Variants in PUS10 observed in about 807,000 individuals in gnomAD.
PUS10 encodes the protein tRNA pseudouridine synthase Pus10.
Under a neutral mutation model 75.0 loss-of-function variants are expected in PUS10, and 59 were observed. The observed-to-expected ratio is 0.79, with a 90% CI of 0.64 to 0.98. The LOEUF (loss-of-function observed/expected upper bound fraction) is 0.98, where lower values mean the gene tolerates loss of function less well. PUS10 is among the 50% of genes least tolerant of loss of function. The pLI is 0.00. For missense variants in PUS10, 650 were observed against 614.4 expected, an observed-to-expected ratio of 1.06 and a Z score of -0.61; for synonymous variants, 219 against 211.6, an observed-to-expected ratio of 1.03 and a Z score of -0.30.
At chr2:60,965,609 T>C (rs182504576) in intron 6 of PUS10, 125 bp from the exon 7 acceptor site, 1 of 664,548 alleles carries the variant, frequency 1.5e-6, no homozygotes, top group African/African-American at 1.9e-5. Flanking sequence ...AAACTGGAAA[T>C]ACTACTGCTC....
At chr2:60,996,071 G>A (rs1172144459) in intron 4 of PUS10, among the ~76,000 whole-genome samples, 3 of 152,142 alleles carry the variant, frequency 2.0e-5, no homozygotes, top group African/African-American at 7.2e-5. Flanking sequence ...GTATTGTGGT[G>A]GTCTTTAGAA....
intron 4 of PUS10, among the ~76,000 whole-genome samples, chr2:60,979,590 T>C (rs1209210682): frequency 1.3e-5 from 2 of 152,212 alleles, no homozygotes; most frequent in African/African-American, 4.8e-5. Flanking sequence ...GGCTTGGATG[T>C]CAGACGTGTG....
chr2:61,008,847 T>C lies in PUS10; in HGVS notation c.295A>G (p.Thr99Ala). Residue 99 changes from threonine to alanine, a missense_variant, in exon 3 of 18, where the codon ACT becomes GCT. Coordinates refer to ENST00000316752, the MANE Select transcript of PUS10 (RefSeq NM_144709.4). ...TTTAAATTTGAGTTCTTGGAAGCAG[T>C]GCTTCCAACATGACTAACAGAGATC... ...GRISVSHVGS[T>A]ASKNSNLNVC... 6.2e-7 allele frequency: 1 copy of C among 1,613,004 alleles called. No individual in the cohort carries two copies. Among genetic ancestry groups the C allele is most frequent in the Non-Finnish European group, 8.5e-7 (1 of 1,179,206 alleles).
Position 61,018,089 on chromosome 2 carries a change from T to C in PUS10, c.-97A>G. ...CGTTTTTTTCGGGAGCTCCTGGGCG[T>C]CTCTCTGGGTCTCTGTGCTTGAAAG... On this transcript the variant is annotated 5_prime_UTR_variant, in exon 1 of 18. Coordinates refer to ENST00000316752, the MANE Select transcript of PUS10 (RefSeq NM_144709.4). 2 of 1,522,006 alleles carry C rather than the reference T, an allele frequency of 1.3e-6. No individual in the cohort carries two copies. Among genetic ancestry groups the C allele is most frequent in the Non-Finnish European group, 1.8e-6 (2 of 1,134,246 alleles). 94.3% of individuals were successfully genotyped at this position (1,522,006 alleles called of 1,614,324 possible). A position where few individuals can be genotyped will look rare whatever the true frequency, so the allele number is the denominator to read the frequency against.
At chr2:60,987,687 C>T (rs1280462443) in intron 4 of PUS10, among the ~76,000 whole-genome samples, 3 of 152,132 alleles carry the variant, frequency 2.0e-5, no homozygotes, top group Non-Finnish European at 4.4e-5. Flanking sequence ...CTTTGGGATG[C>T]TGAAGCGGGC....
Position 60,940,610 on chromosome 2 carries a change from A to G in PUS10, c.*1785T>C, listed in dbSNP as rs949308660. The G allele has an allele frequency of 1.3e-5, 2 of 152,310 alleles. No individual in the cohort carries two copies. Among genetic ancestry groups the G allele is most frequent in the Non-Finnish European group, 2.9e-5 (2 of 68,014 alleles). 9.4% of individuals were successfully genotyped at this position (152,310 alleles called of 1,614,324 possible). ...AATTTTATATAATCTCAGGAATAGA[A>G]ATTTAAGAAATAGAAATCTTCTCAT... On this transcript the variant is annotated 3_prime_UTR_variant, in exon 18 of 18. Transcript: ENST00000316752.
intron 17 of PUS10, among the ~76,000 whole-genome samples, chr2:60,944,661 C>A (rs1674829034): frequency 1.3e-5 from 2 of 152,318 alleles, no homozygotes; most frequent in South Asian, 4.1e-4. Context: ...ACCTCACTTT[C>A]TACCCTTGTG....
chr2:60,976,597 T>C (rs1677046395), intron 4 of PUS10, among the ~76,000 whole-genome samples: 1 of 152,252 alleles, frequency 6.6e-6, no homozygotes, highest in Non-Finnish European at 1.5e-5. Flanking sequence ...TTAAATCAAA[T>C]GTCTTTAGTA....
chr2:61,015,892 T>TAG (rs1237251561), intron 1 of PUS10, among the ~76,000 whole-genome samples: 1 of 152,298 alleles, frequency 6.6e-6, no homozygotes. Flanking sequence ...TTTCACCTGT[T>TAG]ACTCTAAGTT....
intron 1 of PUS10, among the ~76,000 whole-genome samples, chr2:61,016,754 G>A (rs1199529087): frequency 6.6e-6 from 1 of 152,152 alleles, no homozygotes; most frequent in Non-Finnish European, 1.5e-5. Flanking sequence ...TCGAAAACGA[G>A]AAAAGGGGCA....
intron 1 of PUS10, among the ~76,000 whole-genome samples, chr2:61,014,342 T>C (rs1283119904): frequency 6.6e-6 from 1 of 150,946 alleles, no homozygotes; most frequent in Admixed American, 6.6e-5. Context: ...TCATGCCACT[T>C]CACTCCAGCC....
At chr2:60,956,177 C>A (rs1231276474) in intron 11 of PUS10, among the ~76,000 whole-genome samples, 1 of 151,990 alleles carries the variant, frequency 6.6e-6, no homozygotes, top group African/African-American at 2.4e-5. Flanking sequence ...GTCTGTGAAC[C>A]ACTAAGTCCC....
chr2:60,993,003 G>A (rs995603906), intron 4 of PUS10, among the ~76,000 whole-genome samples: 2 of 152,188 alleles, frequency 1.3e-5, no homozygotes, highest in African/African-American at 4.8e-5. Context: ...AGTACGTGCT[G>A]AGCACTCTTG....
chr2:61,015,024 G>C (rs1430133975), intron 1 of PUS10, among the ~76,000 whole-genome samples: 1 of 152,138 alleles, frequency 6.6e-6, no homozygotes, highest in South Asian at 2.1e-4. Flanking sequence ...CTAATTCAGG[G>C]GAATATGTGA....
chr2:60,977,109 A>G (rs1677079131), intron 4 of PUS10, among the ~76,000 whole-genome samples: 1 of 152,092 alleles, frequency 6.6e-6, no homozygotes, highest in Non-Finnish European at 1.5e-5. Context: ...GCTAACACTA[A>G]CACACACACC....
At chr2:61,011,605 A>T (rs190002933) in intron 2 of PUS10, among the ~76,000 whole-genome samples, 160 bp downstream of exon 2, 2 of 152,298 alleles carry the variant, frequency 1.3e-5, no homozygotes, top group East Asian at 3.9e-4. Flanking sequence ...TACATTTCTG[A>T]GACTATTCCA....
At chr2:60,984,895 CAGAA>C (rs2104517770) in intron 4 of PUS10, among the ~76,000 whole-genome samples, 1 of 152,158 alleles carries the variant, frequency 6.6e-6, no homozygotes, top group African/African-American at 2.4e-5. Context: ...CAAAAGGTCT[CAGAA>C]AGAGATTACC....
Position 61,018,171 on chromosome 2 carries a change from T to C in PUS10, c.-179A>G, listed in dbSNP as rs1252000243. ...GTTTTCACTTTGACAGAATGGCTTC[T>C]CTATCTTTAAAGCGTAGACTTTGGT... is the stretch of plus-strand genomic sequence containing the variant. On this transcript the variant is annotated 5_prime_UTR_variant, in exon 1 of 18. Coordinates refer to ENST00000316752, the MANE Select transcript of PUS10 (RefSeq NM_144709.4). The C allele has an allele frequency of 5.8e-6, 9 of 1,550,802 alleles. No homozygotes were observed. The highest frequency in any genetic ancestry group is 1.4e-5 in the African/African-American group (1 of 73,164).
chr2:60,968,748 T>C (rs1383944781), intron 5 of PUS10, among the ~76,000 whole-genome samples: 2 of 152,196 alleles, frequency 1.3e-5, no homozygotes, highest in African/African-American at 2.4e-5. Flanking sequence ...TATAACTTGT[T>C]ACAGAGAGAG....
Sources: allele counts gnomAD v4.1 joint callset (sites outside exome capture counted in the v4.1 genomes callset), GRCh38; gene constraint gnomAD v4.1.1; transcripts MANE v1.5; gene names NCBI Gene and HGNC (gene_info 2026-07-23, HGNC 2026-07-21).